DMD: variants seen among roughly 807,000 people sequenced by gnomAD.
DMD encodes the protein dystrophin.
DMD carries 63 observed loss-of-function variants against 330.1 expected under a neutral mutation model. The ratio of observed to expected loss-of-function variants is 0.19; its 90% CI spans 0.16 to 0.24. The LOEUF (loss-of-function observed/expected upper bound fraction) is 0.24. Among genes scored for constraint, DMD ranks in the 10% least tolerant of loss-of-function variants. The pLI, the probability that DMD is intolerant of heterozygous loss-of-function variation, is 1.00. For missense variants in DMD, 3,344 were observed against 2,684.1 expected, an observed-to-expected ratio of 1.25 and a Z score of -5.43; for synonymous variants, 1,223 against 959.8, an observed-to-expected ratio of 1.27 and a Z score of -5.07.
At chrX:33,218,049 TTAC>T (rs2148871373) in intron 1 of DMD, among the ~76,000 whole-genome samples, 1 of 111,565 alleles carries the variant, frequency 9.0e-6, no homozygotes, top group Non-Finnish European at 1.9e-5. Flanking sequence ...TTCATTATTA[TTAC>T]AATGTTAGCT....
intron 9 of DMD, among the ~76,000 whole-genome samples, chrX:32,658,906 G>C (rs745307058): frequency 1.8e-5 from 2 of 111,976 alleles, no homozygotes; most frequent in East Asian, 5.6e-4. Flanking sequence ...ACTTGGCAAA[G>C]TTTTTTAATT....
chrX:31,871,363 A>C lies in DMD; in HGVS notation c.7098+3825T>G, dbSNP rs141248627. 5.7e-3 allele frequency among the ~76,000 whole-genome samples: 636 copies of C among 111,592 alleles called. 1 individual carries two copies. Among genetic ancestry groups the C allele is most frequent in the Non-Finnish European group, 9.0e-3 (479 of 53,165 alleles). Reference sequence around the variant, plus strand: ...GTGCAGTCAATTTTCACTCCAGCATAAACAATGTATTAGAACACAGCCCTT... The same window carrying C: ...GTGCAGTCAATTTTCACTCCAGCATCAACAATGTATTAGAACACAGCCCTT... On this transcript the variant is annotated intron_variant, in intron 48 of 78. Coordinates refer to ENST00000357033, the MANE Select transcript of DMD (RefSeq NM_004006.3).
chrX:32,106,504 C>T (rs1256744277), intron 44 of DMD, among the ~76,000 whole-genome samples: 1 of 111,801 alleles, frequency 8.9e-6, no homozygotes, highest in African/African-American at 3.2e-5. Context: ...GATGAGCTTT[C>T]TGTGCTTCAG....
chrX:32,438,423 CT>C (rs756928501), intron 28 of DMD, 33 bp from the exon 29 acceptor site: 17 of 1,191,311 alleles, frequency 1.4e-5, no homozygotes, highest in South Asian at 8.9e-5. Flanking sequence ...ACTATTTCTC[CT>C]TTTTTTTCTA....
intron 55 of DMD, among the ~76,000 whole-genome samples, chrX:31,607,499 A>G (rs1328546262): frequency 8.9e-6 from 1 of 111,871 alleles, no homozygotes; most frequent in Non-Finnish European, 1.9e-5. Flanking sequence ...TAAAAACTAC[A>G]ACTATACCTA....
At chrX:31,499,849 G>A (rs909787780) in intron 56 of DMD, among the ~76,000 whole-genome samples, 1 of 111,982 alleles carries the variant, frequency 8.9e-6, no homozygotes, top group East Asian at 2.8e-4. Context: ...TAGGGAAGTT[G>A]TTAGAAGCCA....
chrX:32,729,599 A>G (rs2067291488), intron 7 of DMD, among the ~76,000 whole-genome samples: 1 of 111,784 alleles, frequency 8.9e-6, no homozygotes, highest in Admixed American at 9.5e-5. Context: ...CATTTCATAT[A>G]TCATCTCAGC....
At chrX:32,329,157 A>G (rs2148709370) in intron 41 of DMD, among the ~76,000 whole-genome samples, 1 of 112,705 alleles carries the variant, frequency 8.9e-6, no homozygotes, top group African/African-American at 3.2e-5. Context: ...CATTCTAATG[A>G]TAGCAGACAA....
intron 1 of DMD, among the ~76,000 whole-genome samples, chrX:33,163,632 C>CTATG (rs1557282418): frequency 5.8e-4 from 60 of 104,048 alleles, no homozygotes; most frequent in African/African-American, 2.1e-3. Context: ...ATCTATCTAT[C>CTATG]TATCTATCTA....
intron 13 of DMD, among the ~76,000 whole-genome samples, chrX:32,591,589 T>A (rs768179476): frequency 1.2e-4 from 14 of 112,466 alleles, no homozygotes; most frequent in African/African-American, 4.2e-4. Context: ...CCAATCTCAC[T>A]TATGATGGCA....
rs889666105 is a variant in DMD, at chrX:31,776,161, T to C, written c.7310-1969A>G. Among the ~76,000 whole-genome samples, 5 of 111,104 alleles carry C rather than the reference T, an allele frequency of 4.5e-5. No individual in the cohort carries two copies. In the East Asian group the frequency reaches 1.4e-3, roughly 32 times the overall value. ...GAGCTAAATATCCAGAGAGGATGCATGTGTGAGGATGAAAAGAGAGCTAAA... is the reference window on the plus strand; with the variant it reads ...GAGCTAAATATCCAGAGAGGATGCACGTGTGAGGATGAAAAGAGAGCTAAA... On this transcript the variant is annotated intron_variant, in intron 50 of 78. Transcript: ENST00000357033.
At chrX:31,127,885 C>T (rs147346668) in intron 77 of DMD, among the ~76,000 whole-genome samples, 128 of 111,694 alleles carry the variant, frequency 1.1e-3, no homozygotes, top group African/African-American at 3.8e-3. Flanking sequence ...CTCTCCCTTC[C>T]TCTCTTCCTT....
chrX:32,526,790 T>C (rs1474123321), intron 17 of DMD, among the ~76,000 whole-genome samples: 1 of 112,607 alleles, frequency 8.9e-6, no homozygotes, highest in Non-Finnish European at 1.9e-5. Flanking sequence ...AAACATTACA[T>C]GAATTAGTGC....
At chrX:32,818,195 C>A (rs570385488) in intron 5 of DMD, among the ~76,000 whole-genome samples, 3 of 111,860 alleles carry the variant, frequency 2.7e-5, no homozygotes, top group African/African-American at 6.5e-5. Flanking sequence ...ATCAAGCAAT[C>A]CTCCAATGAT....
intron 2 of DMD, among the ~76,000 whole-genome samples, chrX:32,943,037 C>T (rs1304770314): frequency 9.0e-6 from 1 of 111,295 alleles, no homozygotes; most frequent in Non-Finnish European, 1.9e-5. Context: ...TTTCATCTCT[C>T]ATAAGAGAGA....
intron 1 of DMD, among the ~76,000 whole-genome samples, chrX:33,137,134 A>ATAGAAATTTTATAG (rs1430523617): frequency 9.0e-6 from 1 of 111,107 alleles, no homozygotes; most frequent in Non-Finnish European, 1.9e-5. Flanking sequence ...CTGCTCCCTT[A>ATAGAAATTTTATAG]AAGTTTATAG....
At chrX:33,010,406 T>G (rs1324596357) in intron 2 of DMD, among the ~76,000 whole-genome samples, 1 of 108,775 alleles carries the variant, frequency 9.2e-6, no homozygotes, top group Non-Finnish European at 1.9e-5. Flanking sequence ...AGGTATAGGT[T>G]GAGCCTCTCA....
intron 55 of DMD, among the ~76,000 whole-genome samples, chrX:31,587,905 C>T (rs1055655832): frequency 5.4e-5 from 6 of 111,755 alleles, no homozygotes; most frequent in Non-Finnish European, 7.5e-5. Context: ...TTTGGATATT[C>T]CCTAAACAGG....
intron 44 of DMD, among the ~76,000 whole-genome samples, chrX:32,115,443 G>T (rs1001914997): frequency 9.0e-6 from 1 of 110,881 alleles, no homozygotes; most frequent in Non-Finnish European, 1.9e-5. Flanking sequence ...AGGTCTCGCT[G>T]TGTTACCCAG....
Sources: allele counts gnomAD v4.1 joint callset (sites outside exome capture counted in the v4.1 genomes callset), GRCh38; gene constraint gnomAD v4.1.1; transcripts MANE v1.5; gene names NCBI Gene and HGNC (gene_info 2026-07-23, HGNC 2026-07-21).